The following GATA6 variants were observed in gnomAD, a reference collection of about 807,000 sequenced individuals.
The protein encoded by GATA6 is transcription factor GATA-6.
GATA6 carries 11 observed loss-of-function variants against 48.1 expected under a neutral mutation model. That is an observed-to-expected ratio of 0.23 (90% CI 0.14 to 0.38). GATA6 has a LOEUF of 0.38. Among genes scored for constraint, GATA6 ranks in the 10% least tolerant of loss-of-function variants. The pLI is 1.00. For missense variants in GATA6, 795 were observed against 850.3 expected (o/e 0.93, Z 0.81); for synonymous variants, 419 against 396.1 (o/e 1.06, Z -0.69).
At chr18:22,186,022 T>A (rs900385982) in intron 6 of GATA6, among the ~76,000 whole-genome samples, 2 of 152,228 alleles carry the variant, frequency 1.3e-5, no homozygotes, top group African/African-American at 4.8e-5. Context: ...TGATTGCCTG[T>A]AGGATTTTGT....
intron 6 of GATA6, among the ~76,000 whole-genome samples, chr18:22,192,301 CT>C (rs1383577044): frequency 6.6e-6 from 1 of 151,678 alleles, no homozygotes; most frequent in Non-Finnish European, 1.5e-5. Flanking sequence ...CTGGAGACCT[CT>C]TTGAAGTTTA....
At chr18:22,183,236 CCT>C (rs2033220896) in intron 6 of GATA6, among the ~76,000 whole-genome samples, 193 bp downstream of exon 6, 1 of 152,184 alleles carries the variant, frequency 6.6e-6, no homozygotes, top group Admixed American at 6.5e-5. Context: ...ACTTTACAAA[CCT>C]CTTAATTAAG....
chr18:22,196,429 A>T (rs2143335127), intron 6 of GATA6, among the ~76,000 whole-genome samples: 1 of 152,320 alleles, frequency 6.6e-6, no homozygotes, highest in Non-Finnish European at 1.5e-5. Flanking sequence ...CGTTTCTTTA[A>T]TGTGGGTTGT....
intron 3 of GATA6, among the ~76,000 whole-genome samples, chr18:22,180,985 G>A (rs959401992): frequency 1.3e-5 from 2 of 152,084 alleles, no homozygotes; most frequent in Admixed American, 6.5e-5. Context: ...TCATGTTAAT[G>A]TCTACTTGTG....
chr18:22,184,077 CT>C lies in GATA6; in HGVS notation c.1620+1035del, dbSNP rs201244338. Among the ~76,000 whole-genome samples, 362 of 152,322 alleles carry C rather than the reference CT, an allele frequency of 2.4e-3. 5 individuals are homozygous for C. Among genetic ancestry groups the C allele is most frequent in the East Asian group, 0.023 (120 of 5,190 alleles). ...CTGGGTGTGGGACTTGGATATCTAT[CT>C]GTTGTTGAACAAGTGCCCCAGGTGA... On this transcript the variant is annotated intron_variant, in intron 6 of 6. Coordinates refer to ENST00000269216, the MANE Select transcript of GATA6 (RefSeq NM_005257.6).
intron 6 of GATA6, among the ~76,000 whole-genome samples, chr18:22,193,167 A>T (rs1350684515): frequency 6.6e-6 from 1 of 152,034 alleles, no homozygotes; most frequent in Non-Finnish European, 1.5e-5. Context: ...GGTGACGGTG[A>T]CTCTCTCTCT....
intron 2 of GATA6, among the ~76,000 whole-genome samples, chr18:22,175,232 C>T (rs1300152953): frequency 6.6e-6 from 1 of 151,994 alleles, no homozygotes; most frequent in East Asian, 1.9e-4. Context: ...AGATTTTATT[C>T]AACTAAAAAT....
At chr18:22,184,391 G>A (rs2033237309) in intron 6 of GATA6, among the ~76,000 whole-genome samples, 1 of 151,812 alleles carries the variant, frequency 6.6e-6, no homozygotes, top group African/African-American at 2.4e-5. Flanking sequence ...TATAAAGGTG[G>A]ACTCCATGCT....
chr18:22,195,101 G>T (rs1386733052), intron 6 of GATA6, among the ~76,000 whole-genome samples: 2 of 152,220 alleles, frequency 1.3e-5, no homozygotes, highest in Non-Finnish European at 1.5e-5. Flanking sequence ...GGGAGGCGGA[G>T]GTTGTAGTGA....
chr18:22,177,411 AAAAC>A (rs1349759603), intron 3 of GATA6, among the ~76,000 whole-genome samples: 2 of 152,234 alleles, frequency 1.3e-5, no homozygotes, highest in African/African-American at 2.4e-5. Flanking sequence ...GACAAAAACA[AAAAC>A]AAACAAAAAA....
chr18:22,171,910 G>T lies in GATA6; in HGVS notation c.766G>T (p.Ala256Ser). ...AAGPGGAGSA[A>S]AHVSARFPYS... Reference sequence around the variant, plus strand: ...GGGGCCTGGCGGCGCTGGCTCAGCCGCGGCGCACGTCTCGGCGCGCTTCCC... The same window carrying T: ...GGGGCCTGGCGGCGCTGGCTCAGCCTCGGCGCACGTCTCGGCGCGCTTCCC... The change falls in exon 2 of 7, where the codon GCG (alanine) becomes TCG (serine). Residue 256 changes from alanine to serine, a missense_variant. By Grantham distance (99) the Ala-to-Ser change is moderately conservative. Transcript: ENST00000269216. The surrounding 1 kb of genome is among the most constrained non-coding windows in gnomAD (Gnocchi z 7.1). 1 of 1,165,436 alleles carries T rather than the reference G, an allele frequency of 8.6e-7. No homozygotes were observed. The allele number at this position is 1,165,436 out of a possible 1,614,324, so 72.2% of individuals were successfully genotyped here.
chr18:22,176,770 C>T (rs2033126204), intron 2 of GATA6, 185 bp from the exon 3 acceptor site: 3 of 641,016 alleles, frequency 4.7e-6, no homozygotes, highest in East Asian at 3.0e-5. Context: ...GACAAATGGT[C>T]AGTGGAGCAA....
chr18:22,181,210 A>G (rs1049831289), intron 3 of GATA6, among the ~76,000 whole-genome samples: 1 of 152,202 alleles, frequency 6.6e-6, no homozygotes, highest in Admixed American at 6.5e-5. Context: ...GAATTCACGG[A>G]GACAGGCTAG....
intron 4 of GATA6, among the ~76,000 whole-genome samples, chr18:22,182,363 T>C (rs1276613926): frequency 6.6e-6 from 1 of 151,768 alleles, no homozygotes; most frequent in African/African-American, 2.4e-5. Context: ...TTTTTTTTTT[T>C]TTTCTTGTTT....
At chr18:22,195,524 T>C (rs2033379171) in intron 6 of GATA6, among the ~76,000 whole-genome samples, 1 of 152,212 alleles carries the variant, frequency 6.6e-6, no homozygotes, top group African/African-American at 2.4e-5. Context: ...GCAATTACTT[T>C]GGCAACAACC....
rs1236721466 is a variant in GATA6, at chr18:22,171,453, G to C, written c.309G>C (p.Gly103=). 8.1e-6 allele frequency: 13 copies of C among 1,597,036 alleles called. No homozygotes were observed. The highest frequency in any genetic ancestry group is 1.1e-5 in the Non-Finnish European group (13 of 1,178,540). Residue 103 remains glycine, a synonymous_variant, in exon 2 of 7, where the codon GGG becomes GGC. Coordinates refer to ENST00000269216, the MANE Select transcript of GATA6 (RefSeq NM_005257.6). The surrounding 1 kb of genome is among the most constrained non-coding windows in gnomAD (Gnocchi z 7.1). ...GPSAPGVAGP[G]GNLSSWEDLL... ...CGGCGCCTGGGGTCGCGGGCCCCGG[G>C]GGCAACCTGTCGAGCTGGGAGGACT...
intron 6 of GATA6, among the ~76,000 whole-genome samples, chr18:22,194,308 G>A (rs920333311): frequency 3.3e-5 from 5 of 152,210 alleles, no homozygotes; most frequent in African/African-American, 1.2e-4. Context: ...AACAGGAAGT[G>A]CCTCCATTTT....
In GATA6 at chr18:22,176,973, C is replaced by G. The variant is rs910795670; in HGVS notation, c.1154C>G (p.Ser385Cys). 1 of 1,562,366 alleles carries G rather than the reference C, an allele frequency of 6.4e-7. No individual in the cohort carries two copies. Among genetic ancestry groups the G allele is most frequent in the African/African-American group, 1.4e-5 (1 of 73,162 alleles). The change falls in exon 3 of 7, where the codon TCC (serine) becomes TGC (cysteine). Residue 385 changes from serine to cysteine, a missense_variant. By Grantham distance (112) the Ser-to-Cys change is moderately radical (BLOSUM62 -1). Around this residue, in one of 5 missense-constraint regions of GATA6, gnomAD observed 591 missense variants for 570.0 expected, o/e 1.04. Transcript: ENST00000269216. ...GPSADLLEDL[S>C]ESRECVNCGS... is the part of the protein sequence containing the mutation. ...GCCGCAGACCTGCTGGAGGACCTGTCCGAGAGCCGCGAGTGCGTGAACTGC... is the reference window on the plus strand; with the variant it reads ...GCCGCAGACCTGCTGGAGGACCTGTGCGAGAGCCGCGAGTGCGTGAACTGC...
At chr18:22,200,101 T>G (rs1483979315) in intron 6 of GATA6, among the ~76,000 whole-genome samples, 4 of 152,104 alleles carry the variant, frequency 2.6e-5, no homozygotes, top group African/African-American at 9.7e-5. Context: ...ATTTCACTGA[T>G]CAGGGAATGT....
Sources: gnomAD v4.1 joint callset for allele counts (sites outside exome capture counted in the v4.1 genomes callset) on GRCh38, gnomAD v4.1.1 for gene constraint, gnomAD v4.1.1 regional missense constraint, Gnocchi (gnomAD v3.1) non-coding constraint, MANE v1.5 for transcripts, NCBI Gene and HGNC (gene_info 2026-07-23, HGNC 2026-07-21) for gene names.